PIK3C2G: variants seen among roughly 807,000 people sequenced by gnomAD.
PIK3C2G encodes phosphatidylinositol 3-kinase C2 domain-containing subunit gamma.
Under a neutral mutation model 181.1 loss-of-function variants are expected in PIK3C2G, and 168 were observed. The observed-to-expected ratio is 0.93, with a 90% CI of 0.82 to 1.05. The LOEUF (loss-of-function observed/expected upper bound fraction) is 1.05, where lower values mean the gene tolerates loss of function less well. Ranked by LOEUF, PIK3C2G falls within the 50% of genes least tolerant of loss-of-function variation. The pLI is 0.00. For missense variants in PIK3C2G, 1,869 were observed against 1,732.8 expected (o/e 1.08, Z -1.40); for synonymous variants, 573 against 592.2 (o/e 0.97, Z 0.47).
intron 7 of PIK3C2G, among the ~76,000 whole-genome samples, chr12:18,323,921 T>C (rs1951215495): frequency 6.6e-6 from 1 of 152,268 alleles, no homozygotes; most frequent in Middle Eastern, 3.4e-3. Flanking sequence ...TCAGGTTTTA[T>C]ATAAAGACAC....
the PIK3C2G span, among the ~76,000 whole-genome samples, chr12:18,715,194 A>AGG: frequency 1.0e-3 from 3 of 2,978 alleles, no homozygotes; most frequent in Non-Finnish European, 3.4e-3. Context: ...GGAGGGAGGG[A>AGG]GAGAGAGAGA....
At chr12:18,665,066 G>A in the PIK3C2G span, among the ~76,000 whole-genome samples, 1 of 150,470 alleles carries the variant, frequency 6.6e-6, no homozygotes, top group Non-Finnish European at 1.5e-5. Context: ...TAAATGACGA[G>A]TTGATGGGTG....
chr12:18,361,928 G>T (rs569473724), intron 11 of PIK3C2G, among the ~76,000 whole-genome samples: 1 of 152,048 alleles, frequency 6.6e-6, no homozygotes, highest in Admixed American at 6.5e-5. Context: ...TATAGGCTTT[G>T]TCCACTGTAC....
chr12:18,343,451 A>G, intron 10 of PIK3C2G, 91 bp downstream of exon 10: 1 of 629,154 alleles, frequency 1.6e-6, no homozygotes, highest in African/African-American at 1.9e-5. Flanking sequence ...TTATGCAAAT[A>G]CTGTGGTAAC....
intron 20 of PIK3C2G, among the ~76,000 whole-genome samples, chr12:18,493,890 C>T (rs1169917601): frequency 1.3e-5 from 2 of 152,156 alleles, no homozygotes; most frequent in African/African-American, 2.4e-5. Flanking sequence ...ACCCACAAAC[C>T]ATTAATCACA....
chr12:18,292,210 C>CAAAAAAAAA (rs745371375), intron 4 of PIK3C2G, among the ~76,000 whole-genome samples: 474 of 28,456 alleles, frequency 0.017, 22 homozygotes, highest in Middle Eastern at 0.026. Flanking sequence ...AACTCCATCT[C>CAAAAAAAAA]AAAAAAAAAA....
At chr12:18,692,784 G>A in the PIK3C2G span, 4 of 1,414,596 alleles carry the variant, frequency 2.8e-6, no homozygotes, top group Non-Finnish European at 4.0e-6. Flanking sequence ...TCAGAGTGGT[G>A]GTCATGGTCC....
chr12:18,445,045 C>T (rs572403596), intron 18 of PIK3C2G, among the ~76,000 whole-genome samples: 1 of 151,618 alleles, frequency 6.6e-6, no homozygotes, highest in Non-Finnish European at 1.5e-5. Flanking sequence ...GAGGAAAGAT[C>T]GATTATTTAA....
At chr12:18,379,537 G>C (rs1368648994) in intron 13 of PIK3C2G, among the ~76,000 whole-genome samples, 1 of 152,178 alleles carries the variant, frequency 6.6e-6, no homozygotes, top group Non-Finnish European at 1.5e-5. Context: ...GGGTCACTCA[G>C]ATAAATTTCT....
intron 26 of PIK3C2G, among the ~76,000 whole-genome samples, chr12:18,548,758 AG>A (rs1419401942): frequency 1.3e-5 from 2 of 152,048 alleles, no homozygotes; most frequent in Non-Finnish European, 2.9e-5. Context: ...TCTCCATTGA[AG>A]CCTTAAAAGG....
chr12:18,266,944 A>T (rs1486968252), intron 1 of PIK3C2G, among the ~76,000 whole-genome samples: 2 of 151,894 alleles, frequency 1.3e-5, no homozygotes, highest in Non-Finnish European at 2.9e-5. Flanking sequence ...TATATGTACC[A>T]TATACATATG....
chr12:18,316,152 G>A (rs1366423562), intron 6 of PIK3C2G, among the ~76,000 whole-genome samples: 1 of 152,116 alleles, frequency 6.6e-6, no homozygotes, highest in Non-Finnish European at 1.5e-5. Flanking sequence ...GAAAAGTTAA[G>A]AGATTATTTA....
intron 30 of PIK3C2G, among the ~76,000 whole-genome samples, chr12:18,600,295 A>G (rs1947635751): frequency 6.6e-6 from 1 of 152,040 alleles, no homozygotes; most frequent in African/African-American, 2.4e-5. Flanking sequence ...AGGAATTAAA[A>G]AAAAATCTTT....
intron 32 of PIK3C2G, among the ~76,000 whole-genome samples, chr12:18,643,352 T>C (rs1949934016): frequency 6.6e-6 from 1 of 151,986 alleles, no homozygotes; most frequent in Admixed American, 6.6e-5. Context: ...TCGAAAGCCA[T>C]GGTCCATGCA....
intron 24 of PIK3C2G, among the ~76,000 whole-genome samples, chr12:18,525,545 T>C (rs192159561): frequency 1.3e-5 from 2 of 152,314 alleles, no homozygotes; most frequent in East Asian, 3.9e-4. Context: ...TAACTTCTAA[T>C]ACAATTTCAG....
chr12:18,455,486 T>A (rs1258074253), intron 18 of PIK3C2G, among the ~76,000 whole-genome samples: 1 of 152,192 alleles, frequency 6.6e-6, no homozygotes, highest in South Asian at 2.1e-4. Context: ...GAATTTTAAT[T>A]GCTATAAATT....
the PIK3C2G span, among the ~76,000 whole-genome samples, chr12:18,679,242 T>C: frequency 1.9e-4 from 29 of 152,140 alleles, no homozygotes; most frequent in African/African-American, 6.3e-4. Context: ...ATATATAGCT[T>C]ACCTTATCAT....
chr12:18,466,542 A>G (rs535485326), intron 18 of PIK3C2G, among the ~76,000 whole-genome samples: 8 of 151,958 alleles, frequency 5.3e-5, no homozygotes, highest in Non-Finnish European at 1.2e-4. Flanking sequence ...AGTTAATTTT[A>G]TTCATATAAT....
At chr12:18,292,218 A>ACAAAC (rs1565562617) in intron 4 of PIK3C2G, among the ~76,000 whole-genome samples, 1 of 93,076 alleles carries the variant, frequency 1.1e-5, no homozygotes, top group African/African-American at 3.9e-5. Flanking sequence ...CTCAAAAAAA[A>ACAAAC]AAAAAAAAAA....
Sources: gnomAD v4.1 joint callset for allele counts (sites outside exome capture counted in the v4.1 genomes callset) on GRCh38, gnomAD v4.1.1 for gene constraint, MANE v1.5 for transcripts, NCBI Gene and HGNC (gene_info 2026-07-23, HGNC 2026-07-21) for gene names.